The following ROBO2 variants were observed in gnomAD, a reference collection of about 807,000 sequenced individuals.
ROBO2 encodes roundabout homolog 2.
Under a neutral mutation model 160.8 loss-of-function variants are expected in ROBO2, and 53 were observed. The observed-to-expected ratio is 0.33, with a 90% confidence interval of 0.26 to 0.41. ROBO2 has a LOEUF of 0.41. Ranked by LOEUF, ROBO2 falls within the 10% of genes least tolerant of loss-of-function variation. ROBO2 has a pLI of 1.00. For missense variants in ROBO2, 1,577 were observed against 1,722.4 expected (o/e 0.92, Z 1.49); for synonymous variants, 664 against 611.7 (o/e 1.09, Z -1.26).
At chr3:77,594,586 T>C (rs1278062481) in intron 17 of ROBO2, among the ~76,000 whole-genome samples, 2 of 152,206 alleles carry the variant, frequency 1.3e-5, no homozygotes, top group African/African-American at 4.8e-5. Context: ...CATGTTATTC[T>C]CTATTAATTA....
intron 2 of ROBO2, among the ~76,000 whole-genome samples, chr3:76,289,449 AT>A (rs1708695330): frequency 6.6e-6 from 1 of 151,708 alleles, no homozygotes; most frequent in South Asian, 2.1e-4. Context: ...TGTTTTTTTT[AT>A]TCTGCTGATA....
At chr3:76,738,676 T>C (rs536777455) in intron 2 of ROBO2, among the ~76,000 whole-genome samples, 11 of 152,122 alleles carry the variant, frequency 7.2e-5, no homozygotes, top group Non-Finnish European at 8.8e-5. Flanking sequence ...ACAGTTTAAA[T>C]TGGAGTGCTG....
intron 2 of ROBO2, among the ~76,000 whole-genome samples, chr3:76,032,066 C>T (rs2066940919): frequency 1.3e-5 from 2 of 152,104 alleles, no homozygotes; most frequent in Non-Finnish European, 2.9e-5. Context: ...CATTCAACTT[C>T]TTCCTGGTTT....
At chr3:77,462,931 A>G (rs907651265) in intron 2 of ROBO2, among the ~76,000 whole-genome samples, 49 of 152,328 alleles carry the variant, frequency 3.2e-4, no homozygotes, top group African/African-American at 1.2e-3. Context: ...GCTCCTCCAA[A>G]AAGCCTTCCT....
upstream of ROBO2, among the ~76,000 whole-genome samples, chr3:77,036,590 G>C (rs2063651152): frequency 6.6e-6 from 1 of 151,890 alleles, no homozygotes; most frequent in Admixed American, 6.6e-5. Context: ...GATAATGACA[G>C]TTTCTTACAA....
chr3:76,043,022 C>T (rs1453389180), intron 2 of ROBO2, among the ~76,000 whole-genome samples: 1 of 151,900 alleles, frequency 6.6e-6, no homozygotes, highest in Non-Finnish European at 1.5e-5. Flanking sequence ...GTCTGTGGCT[C>T]GTCCTGCTAC....
chr3:76,307,743 C>T (rs772112441), intron 2 of ROBO2, among the ~76,000 whole-genome samples: 1 of 151,920 alleles, frequency 6.6e-6, no homozygotes, highest in Non-Finnish European at 1.5e-5. Context: ...TGGGTAATCA[C>T]GATGTGACAT....
At chr3:77,210,345 T>C (rs1193035589) in intron 2 of ROBO2, among the ~76,000 whole-genome samples, 1 of 152,104 alleles carries the variant, frequency 6.6e-6, no homozygotes, top group Non-Finnish European at 1.5e-5. Context: ...TATTTTGTAA[T>C]AGTAATTAAT....
At chr3:76,628,448 T>C (rs1012638048) in intron 2 of ROBO2, among the ~76,000 whole-genome samples, 126 of 151,164 alleles carry the variant, frequency 8.3e-4, no homozygotes, top group African/African-American at 2.8e-3. Context: ...TTTTTTTTTT[T>C]TTAGAGATGG....
chr3:77,314,754 G>A (rs1045435431), intron 2 of ROBO2, among the ~76,000 whole-genome samples: 1 of 152,126 alleles, frequency 6.6e-6, no homozygotes, highest in Non-Finnish European at 1.5e-5. Context: ...AAGCCATTGA[G>A]GATGGGAGGG....
intron 23 of ROBO2, chr3:77,629,197 C>T (rs1489704647): frequency 6.6e-6 from 1 of 152,164 alleles, no homozygotes; most frequent in Non-Finnish European, 1.5e-5. Context: ...TGTCAAGTTA[C>T]CACAGGGAGA....
intron 2 of ROBO2, among the ~76,000 whole-genome samples, chr3:76,194,896 G>T (rs936581609): frequency 3.3e-5 from 5 of 152,170 alleles, no homozygotes; most frequent in African/African-American, 9.7e-5. Flanking sequence ...GGGATTCCAG[G>T]TGTGAGCCAT....
At chr3:76,297,867 A>G (rs1203566547) in intron 2 of ROBO2, among the ~76,000 whole-genome samples, 2 of 152,202 alleles carry the variant, frequency 1.3e-5, no homozygotes, top group Admixed American at 1.3e-4. Flanking sequence ...GAATGCTGTA[A>G]CATGCATTTT....
chr3:76,652,559 G>A (rs759830182), intron 2 of ROBO2, among the ~76,000 whole-genome samples: 2 of 152,024 alleles, frequency 1.3e-5, no homozygotes, highest in Non-Finnish European at 2.9e-5. Flanking sequence ...TATTTAATAC[G>A]TACAAAAGAA....
At chr3:76,319,528 T>G (rs2072335206) in intron 2 of ROBO2, among the ~76,000 whole-genome samples, 1 of 152,040 alleles carries the variant, frequency 6.6e-6, no homozygotes, top group African/African-American at 2.4e-5. Context: ...AAAACAAAAT[T>G]ATACTAAAGT....
intron 2 of ROBO2, among the ~76,000 whole-genome samples, chr3:76,535,572 G>C (rs924705086): frequency 6.6e-6 from 1 of 152,104 alleles, no homozygotes; most frequent in Admixed American, 6.5e-5. Context: ...AGGTGTGGCT[G>C]TAGCCCAGGA....
At chr3:76,198,193 A>G (rs569021470) in intron 2 of ROBO2, among the ~76,000 whole-genome samples, 14 of 151,806 alleles carry the variant, frequency 9.2e-5, no homozygotes, top group Admixed American at 2.0e-4. Context: ...GACATACCTC[A>G]TCACACCCTC....
intron 2 of ROBO2, among the ~76,000 whole-genome samples, chr3:76,551,240 G>T (rs1334731323): frequency 6.6e-6 from 1 of 151,954 alleles, no homozygotes; most frequent in South Asian, 2.1e-4. Context: ...CCCACTTTGA[G>T]TCTCCTCAAT....
chr3:76,070,477 T>C (rs929612566), intron 2 of ROBO2, among the ~76,000 whole-genome samples: 1 of 152,168 alleles, frequency 6.6e-6, no homozygotes, highest in Non-Finnish European at 1.5e-5. Flanking sequence ...AAACCTGTCT[T>C]CTGATAAGAT....
Sources: gnomAD v4.1 joint callset for allele counts (sites outside exome capture counted in the v4.1 genomes callset) on GRCh38, gnomAD v4.1.1 for gene constraint, MANE v1.5 for transcripts, NCBI Gene and HGNC (gene_info 2026-07-23, HGNC 2026-07-21) for gene names.